Variants in SEC14L6 observed in about 807,000 individuals in gnomAD.
SEC14L6 encodes the protein SEC14 like lipid binding 6.
A neutral mutation model predicts 54.1 loss-of-function variants in SEC14L6; 40 were observed. That is an observed-to-expected ratio of 0.74 (90% CI 0.57 to 0.96). The LOEUF (loss-of-function observed/expected upper bound fraction) is 0.96. SEC14L6 is among the 40% of genes least tolerant of loss of function. SEC14L6 has a pLI of 0.00. For missense variants in SEC14L6, 471 were observed against 498.3 expected, an observed-to-expected ratio of 0.95 and a Z score of 0.52; for synonymous variants, 171 against 198.4, an observed-to-expected ratio of 0.86 and a Z score of 1.16.
chr22:30,543,870 G>A, intron 1 of SEC14L6: 2 of 1,552,898 alleles, frequency 1.3e-6, no homozygotes, highest in Non-Finnish European at 8.9e-7. Context: ...ACCTGAACCT[G>A]CCCAAGGGGA....
rs762047913 is a variant in SEC14L6, at chr22:30,529,069, C to T, written c.664+18G>A. The T allele has an allele frequency of 3.0e-5, 47 of 1,543,296 alleles. No individual in the cohort carries two copies. Among genetic ancestry groups the T allele is most frequent in the East Asian group, 2.9e-4 (12 of 40,866 alleles). The stretch of plus-strand genomic sequence containing the variant: ...TCAGGATCCAGGCTGGAAAAGAGGC[C>T]GCAGAGGGCTCACTCACCTCCGAGA... On this transcript the variant is annotated intron_variant, in intron 8 of 11. Transcript: ENST00000402034.
chr22:30,545,933 C>T (rs1397060373), intron 1 of SEC14L6, among the ~76,000 whole-genome samples: 1 of 151,928 alleles, frequency 6.6e-6, no homozygotes, highest in Non-Finnish European at 1.5e-5. Flanking sequence ...TGGGTTCAAA[C>T]GATTCTCCTG....
intron 1 of SEC14L6, among the ~76,000 whole-genome samples, chr22:30,540,938 G>A (rs1399031693): frequency 6.6e-6 from 1 of 150,822 alleles, no homozygotes; most frequent in East Asian, 1.9e-4. Context: ...AGAATTGCTT[G>A]AACCCAGAGA....
At chr22:30,542,257 G>C (rs1223045257) in intron 1 of SEC14L6, among the ~76,000 whole-genome samples, 1 of 152,186 alleles carries the variant, frequency 6.6e-6, no homozygotes, top group Non-Finnish European at 1.5e-5. Context: ...CAGCTTTGGG[G>C]CTCAGAGGCA....
chr22:30,536,589 C>A (rs147972151), intron 2 of SEC14L6, among the ~76,000 whole-genome samples: 1 of 152,214 alleles, frequency 6.6e-6, no homozygotes, highest in Non-Finnish European at 1.5e-5. Context: ...CTGACTTTGT[C>A]ACCTGCTAGC....
At chr22:30,542,594 C>T in intron 1 of SEC14L6, 1 of 1,501,278 alleles carries the variant, frequency 6.7e-7, no homozygotes, top group Non-Finnish European at 8.8e-7. Flanking sequence ...GGGCCGGTCC[C>T]CGGCCGCCTC....
At chr22:30,543,878 G>C in intron 1 of SEC14L6, 1 of 1,563,442 alleles carries the variant, frequency 6.4e-7, no homozygotes, top group Non-Finnish European at 8.8e-7. Flanking sequence ...CTGCCCAAGG[G>C]GAAGAAGCCT....
intron 3 of SEC14L6, 71 bp downstream of exon 3, chr22:30,533,925 G>T: frequency 7.4e-7 from 1 of 1,342,408 alleles, no homozygotes; most frequent in South Asian, 1.3e-5. Flanking sequence ...ATGAATGAAT[G>T]AATAAATTTG....
In SEC14L6 at chr22:30,539,985, G is replaced by A. The variant is rs1476545309; in HGVS notation, c.55-1083C>T. 5.3e-5 allele frequency among the ~76,000 whole-genome samples: 8 copies of A among 152,310 alleles called. No homozygotes were observed. The East Asian group carries it at 9.6e-4, about 18-fold the overall frequency. On this transcript the variant is annotated intron_variant, in intron 1 of 11. Transcript: ENST00000402034. ...TGAATATGGTAAGGAAAAGAGCACCGGACAAAGAGTCAGCAGGTCCCACTG... is the reference window on the plus strand; with the variant it reads ...TGAATATGGTAAGGAAAAGAGCACCAGACAAAGAGTCAGCAGGTCCCACTG...
At chr22:30,529,553 T>TTGA (rs1454045382) in intron 6 of SEC14L6, among the ~76,000 whole-genome samples, 5 of 152,176 alleles carry the variant, frequency 3.3e-5, no homozygotes, top group African/African-American at 1.2e-4. Context: ...TGTTGGATCC[T>TTGA]AGTCATAGAC....
At chr22:30,533,233 G>C (rs921027848) in intron 3 of SEC14L6, 2 of 821,968 alleles carry the variant, frequency 2.4e-6, no homozygotes, top group Non-Finnish European at 2.9e-6. Context: ...GAGCCTGGCT[G>C]ATGTGTTGGG....
rs1317893990 is a variant in SEC14L6, at chr22:30,531,915, C to T, written c.507G>A (p.Glu169=). The T allele has an allele frequency of 1.3e-6, 2 of 1,550,684 alleles. No homozygotes were observed. Among genetic ancestry groups the T allele is most frequent in the Non-Finnish European group, 1.7e-6 (2 of 1,146,922 alleles). ...GGGGTCACCTCACCTCCTGGAGAAG[C>T]TCTATTCCTGGCTTCCACAGATCCC... The part of the protein sequence containing the change: ...GLRDLWKPGI[E]LLQEFFSALE... Residue 169 remains glutamate (E), a synonymous_variant, in exon 6 of 12, where the codon GAG becomes GAA. Coordinates refer to ENST00000402034, the MANE Select transcript of SEC14L6 (RefSeq NM_001193336.4).
rs1410417655 is a variant in SEC14L6, at chr22:30,543,264, C to T, written c.54+3365G>A. 24 of 1,589,436 alleles carry T rather than the reference C, an allele frequency of 1.5e-5. No homozygotes were observed. The South Asian group carries it at 1.7e-4, about 11-fold the overall frequency. ...CTCAAGTCATCTGCGAGGTGGCCCA[C>T]GTCACCTTGCGGGGGGACTCTTTTC... On this transcript the variant is annotated intron_variant, in intron 1 of 11. Coordinates refer to ENST00000402034, the MANE Select transcript of SEC14L6 (RefSeq NM_001193336.4).
Position 30,539,045 on chromosome 22 carries a change from AGTTT to A in SEC14L6, c.55-147_55-144del, listed in dbSNP as rs1242815788. ...ATCAGGGTCCGGGTCAAGCCATAAC[AGTTT>A]GTTTCCTCCGTCTTGAAAATGGGAT... On this transcript the variant is annotated intron_variant, in intron 1 of 11. Transcript: ENST00000402034. 6.6e-6 allele frequency: 4 copies of A among 601,702 alleles called. No homozygotes were observed. In the East Asian group the frequency reaches 1.2e-4, roughly 17 times the overall value. 37.3% of individuals were successfully genotyped at this position (601,702 alleles called of 1,614,324 possible). A position where few individuals can be genotyped will look rare whatever the true frequency, so the allele number is the denominator to read the frequency against.
intron 7 of SEC14L6, 31 bp from the exon 8 acceptor site, chr22:30,529,201 G>A: frequency 6.5e-7 from 1 of 1,549,476 alleles, no homozygotes. Flanking sequence ...GCTCCCTCAG[G>A]CGGCTGGCTG....
intron 1 of SEC14L6, among the ~76,000 whole-genome samples, chr22:30,541,375 C>T (rs2085706276): frequency 6.6e-6 from 1 of 152,122 alleles, no homozygotes; most frequent in South Asian, 2.1e-4. Flanking sequence ...AAAAACTGTT[C>T]TGGCTGATAG....
Position 30,539,114 on chromosome 22 carries a change from C to T in SEC14L6, c.55-212G>A, listed in dbSNP as rs187750817. Among the ~76,000 whole-genome samples, 388 of 152,264 alleles carry T rather than the reference C, an allele frequency of 2.5e-3. 2 individuals are homozygous for T. Among genetic ancestry groups the T allele is most frequent in the African/African-American group, 8.9e-3 (371 of 41,552 alleles). The stretch of plus-strand genomic sequence containing the variant: ...ACTACAGGCCAGGCGCGGTGGCTCA[C>T]GCCTGTAATCCCAGCACTTTGGGAG... On this transcript the variant is annotated intron_variant, in intron 1 of 11. Coordinates refer to ENST00000402034, the MANE Select transcript of SEC14L6 (RefSeq NM_001193336.4).
In SEC14L6 at chr22:30,525,823, T is replaced by C. The variant is rs1170897428; in HGVS notation, c.771+3A>G. 1 of 1,613,556 alleles carries C rather than the reference T, an allele frequency of 6.2e-7. No homozygotes were observed. The highest frequency in any genetic ancestry group is 1.3e-5 in the African/African-American group (1 of 74,928). On this transcript the variant is annotated splice_donor_region_variant and intron_variant, in intron 9 of 11. Coordinates refer to ENST00000402034, the MANE Select transcript of SEC14L6 (RefSeq NM_001193336.4). ...CCTTCCCCATCCTCTGGGCACCCTG[T>C]ACCTTGGTCAGGCACTTGGGGTTGC...
intron 3 of SEC14L6, among the ~76,000 whole-genome samples, chr22:30,533,376 G>A (rs1482870714): frequency 1.3e-5 from 2 of 152,138 alleles, no homozygotes; most frequent in Non-Finnish European, 2.9e-5. Flanking sequence ...CAAGGTGGGT[G>A]GATCACCCGA....
Sources: allele counts gnomAD v4.1 joint callset (sites outside exome capture counted in the v4.1 genomes callset), GRCh38; gene constraint gnomAD v4.1.1; transcripts MANE v1.5; gene names NCBI Gene and HGNC (gene_info 2026-07-23, HGNC 2026-07-21).